Variants in SYNE1 observed in about 807,000 individuals in gnomAD.
SYNE1 encodes spectrin repeat containing nuclear envelope protein 1, also known as nesprin-1.
SYNE1 carries 616 observed loss-of-function variants against 1,111.0 expected under a neutral mutation model. The ratio of observed to expected loss-of-function variants is 0.55; its 90% CI spans 0.52 to 0.59. The LOEUF is 0.59. SYNE1 is among the 20% of genes least tolerant of loss of function. The pLI is 0.00. For synonymous variants in SYNE1, 3,855 were observed against 3,825.8 expected, an observed-to-expected ratio of 1.01 and a Z score of -0.28; for missense variants, 10,006 against 10,417.0, an observed-to-expected ratio of 0.96 and a Z score of 1.72.
intron 91 of SYNE1, among the ~76,000 whole-genome samples, chr6:152,303,336 G>C (rs1335315380): frequency 6.7e-6 from 1 of 150,108 alleles, no homozygotes; most frequent in Non-Finnish European, 1.5e-5. Flanking sequence ...CCGGGAGATG[G>C]AGGTTGCAGT....
At chr6:152,423,953 T>C (rs545121343) in intron 39 of SYNE1, among the ~76,000 whole-genome samples, 2 of 152,326 alleles carry the variant, frequency 1.3e-5, no homozygotes, top group Admixed American at 1.3e-4. Context: ...CATCCTGCAG[T>C]CCCTGCCATG....
At position 152,189,335 on chromosome 6, in the gene SYNE1, C is replaced by A; in HGVS notation, c.23218G>T (p.Ala7740Ser). 6.2e-7 allele frequency: 1 copy of A among 1,614,100 alleles called. No homozygotes were observed. The highest frequency in any genetic ancestry group is 8.5e-7 in the Non-Finnish European group (1 of 1,179,996). The change falls in exon 128 of 146, where the codon GCC (alanine) becomes TCC (serine). Residue 7740 changes from alanine to serine, a missense_variant. Ala to Ser is a moderately conservative substitution (Grantham distance 99). Coordinates refer to ENST00000367255, the MANE Select transcript of SYNE1 (RefSeq NM_182961.4). ...GAGATATCATCAGCACTGATATAGG[C>A]AGAGAGGGTGTCCTTCAGCAGGCTC... ...QLSLLKDTLS[A>S]YISADDISIL...
rs899457549 is a variant in SYNE1, at chr6:152,334,335, G to C, written c.12529-62C>G. 3.6e-5 allele frequency: 57 copies of C among 1,575,854 alleles called. No individual in the cohort carries two copies. The African/African-American group carries it at 6.1e-4, about 17-fold the overall frequency. On this transcript the variant is annotated intron_variant, in intron 76 of 145. Coordinates refer to ENST00000367255, the MANE Select transcript of SYNE1 (RefSeq NM_182961.4). ...TAAGAAATGCCCAAATAAATATAGA[G>C]AGCAACACAGACATAAGACCTTTAA...
At chr6:152,455,677 G>A (rs1219026632) in intron 23 of SYNE1, 87 bp from the exon 24 acceptor site, 5 of 1,561,642 alleles carry the variant, frequency 3.2e-6, no homozygotes, top group Non-Finnish European at 4.4e-6. Flanking sequence ...CATTTAAAAA[G>A]CACTTGGAAA....
rs547783674 is a variant in SYNE1 at position 152,381,000 on chromosome 6, A to G, written c.9009+6T>C. 2 of 1,613,756 alleles carry G rather than the reference A, an allele frequency of 1.2e-6. No individual in the cohort carries two copies. The highest frequency in any genetic ancestry group is 1.7e-6 in the Non-Finnish European group (2 of 1,179,648). ...ACCACCAATAGAAAACAGGAAGCCA[A>G]CTTACTTGTCCTTTGTGCCAGCATT... is the stretch of plus-strand genomic sequence containing the variant. On this transcript the variant is annotated splice_donor_region_variant and intron_variant, in intron 56 of 145. Coordinates refer to ENST00000367255, the MANE Select transcript of SYNE1 (RefSeq NM_182961.4).
chr6:152,362,885 G>GT (rs547177663), intron 63 of SYNE1, among the ~76,000 whole-genome samples: 431 of 145,426 alleles, frequency 3.0e-3, no homozygotes, highest in South Asian at 5.2e-3. Flanking sequence ...ACACATGCTA[G>GT]TTTTTTTTTT....
intron 59 of SYNE1, among the ~76,000 whole-genome samples, chr6:152,372,317 C>A (rs2097204307): frequency 6.6e-6 from 1 of 152,140 alleles, no homozygotes; most frequent in Non-Finnish European, 1.5e-5. Context: ...TGAGGAAATA[C>A]ACATTTTCTC....
rs2097783104 is a variant in SYNE1, at chr6:152,399,647, G to C, written c.7206C>G (p.Ser2402Arg). Residue 2402 changes from serine (S) to arginine (R), a missense_variant, in exon 48 of 146, where the codon AGC becomes AGG. Ser to Arg is a moderately radical substitution (Grantham distance 110). Around this residue, in one of 7 missense-constraint regions of SYNE1, gnomAD observed 4,955 missense variants for 5,017.2 expected, o/e 0.99. Transcript: ENST00000367255. ...VSQLCSKTQASLQESLEKHFS... is the reference protein window; with the variant it reads ...VSQLCSKTQARLQESLEKHFS... ...AGTGTTTTTCCAGAGATTCCTGCAG[G>C]CTGGCCTGGGTTTTGGAGCACAACT... is the stretch of plus-strand genomic sequence containing the variant. 12 of 1,613,966 alleles carry C rather than the reference G, an allele frequency of 7.4e-6. 1 individual carries two copies. In the South Asian group the frequency reaches 1.1e-4, roughly 15 times the overall value.
At chr6:152,515,302 C>T (rs1232562996) in intron 6 of SYNE1, among the ~76,000 whole-genome samples, 1 of 151,630 alleles carries the variant, frequency 6.6e-6, no homozygotes, top group East Asian at 1.9e-4. Flanking sequence ...TCTCAGTAAA[C>T]ATCCATGTTA....
chr6:152,320,345 T>G (rs1224686175), intron 84 of SYNE1: 5 of 152,232 alleles, frequency 3.3e-5, no homozygotes, highest in African/African-American at 4.8e-5. Flanking sequence ...CTTTGCATCA[T>G]ACATTGAAGA....
intron 145 of SYNE1, chr6:152,128,025 G>T (rs1207232090): frequency 6.6e-6 from 1 of 152,168 alleles, no homozygotes; most frequent in Non-Finnish European, 1.5e-5. Context: ...GCTTTAGAAT[G>T]AAGTCATCAA....
chr6:152,307,956 C>T (rs992057591), intron 91 of SYNE1, among the ~76,000 whole-genome samples: 9 of 152,200 alleles, frequency 5.9e-5, no homozygotes, highest in South Asian at 2.1e-4. Context: ...CCTCAACCTC[C>T]GAAGTAGCTG....
In SYNE1 at chr6:152,189,421, C is replaced by A. The variant is rs1370627347; in HGVS notation, c.23146-14G>T. The A allele has an allele frequency of 6.2e-7, 1 of 1,613,598 alleles. No individual in the cohort carries two copies. Among genetic ancestry groups the A allele is most frequent in the South Asian group, 1.1e-5 (1 of 91,072 alleles). On this transcript the variant is annotated splice_polypyrimidine_tract_variant and intron_variant, in intron 127 of 145. Transcript: ENST00000367255. ...ATTTTCTAATTCCTAAATAAAAAAA[C>A]AAACTTGAATACCCACGGACATCTC...
intron 101 of SYNE1, among the ~76,000 whole-genome samples, chr6:152,261,678 T>C (rs1233470070): frequency 1.3e-5 from 2 of 152,228 alleles, no homozygotes; most frequent in Non-Finnish European, 2.9e-5. Context: ...GTGGAAATCC[T>C]TCTGTCCTAG....
chr6:152,618,098 G>C (rs1168785920), intron 3 of SYNE1, among the ~76,000 whole-genome samples: 2 of 152,162 alleles, frequency 1.3e-5, no homozygotes, highest in African/African-American at 4.8e-5. Context: ...TGTTTTGAAA[G>C]ATCTTTCTTA....
At chr6:152,185,542 C>G (rs2069602925) in intron 128 of SYNE1, 1 of 152,178 alleles carries the variant, frequency 6.6e-6, no homozygotes, top group Non-Finnish European at 1.5e-5. Flanking sequence ...CTTGATCAAA[C>G]CCATGACTAA....
At chr6:152,163,628 G>A (rs4870079) in intron 131 of SYNE1, among the ~76,000 whole-genome samples, 55,123 of 151,802 alleles carry the variant, frequency 0.36, 10,892 homozygotes, top group South Asian at 0.51. Context: ...GAGATATTCT[G>A]TCTTTGCTAC....
At chr6:152,501,938 A>C in intron 10 of SYNE1, among the ~76,000 whole-genome samples, 1 of 152,168 alleles carries the variant, frequency 6.6e-6, no homozygotes, top group Non-Finnish European at 1.5e-5. Context: ...CCATAATTCT[A>C]TTTTTATTAA....
At chr6:152,246,344 A>AC (rs1248190937) in intron 105 of SYNE1, among the ~76,000 whole-genome samples, 2 of 150,844 alleles carry the variant, frequency 1.3e-5, no homozygotes, top group East Asian at 1.9e-4. Context: ...TTAAACAACA[A>AC]AAAAAAAACC....
Sources: allele counts gnomAD v4.1 joint callset (sites outside exome capture counted in the v4.1 genomes callset), GRCh38; gene constraint gnomAD v4.1.1; regional missense constraint gnomAD v4.1.1; transcripts MANE v1.5; gene names NCBI Gene and HGNC (gene_info 2026-07-23, HGNC 2026-07-21).